The following RSPRY1 variants were observed in gnomAD, a reference collection of about 807,000 sequenced individuals.
RSPRY1 encodes ring finger and SPRY domain containing 1.
In RSPRY1, 23 loss-of-function variants were observed where a neutral mutation model predicts 73.1. The ratio of observed to expected loss-of-function variants is 0.31; its 90% confidence interval spans 0.23 to 0.45. The LOEUF is 0.45. Among genes scored for constraint, RSPRY1 ranks in the 20% least tolerant of loss-of-function variants. The pLI is 1.00. For missense variants in RSPRY1, 448 were observed against 698.7 expected (o/e 0.64, Z 4.05); for synonymous variants, 226 against 251.4 (o/e 0.90, Z 0.95).
At position 57,217,001 on chromosome 16, in the gene RSPRY1, T is replaced by C. The variant is rs1237727015; in HGVS notation, c.867T>C (p.Val289=). 2 of 1,614,166 alleles carry C rather than the reference T, an allele frequency of 1.2e-6. No homozygotes were observed. The highest frequency in any genetic ancestry group is 1.7e-5 in the Admixed American group (1 of 60,032). ...ATCCTGATTATCTGAAACGTCAAGT[T>C]GGTTTCTGTGCCCAGTGGAGCTTAG... ...ANDPDYLKRQ[V]GFCAQWSLDN... The change falls in exon 8 of 15, where the codon GTT becomes GTC. Residue 289 remains valine, a synonymous_variant. Transcript: ENST00000394420.
rs1207327524 is a variant in RSPRY1 at position 57,229,957 on chromosome 16, G to A, written c.1274-754G>A. ...GACCTCAAGATGATCTGCCCACCTC[G>A]GCCTCCCAAAGTGCTGGGATTATAG... On this transcript the variant is annotated intron_variant, in intron 11 of 14. Transcript: ENST00000394420. Among the ~76,000 whole-genome samples, 8 of 147,582 alleles carry A rather than the reference G, an allele frequency of 5.4e-5. No homozygotes were observed. In the East Asian group the frequency reaches 1.6e-3, roughly 30 times the overall value.
intron 1 of RSPRY1, among the ~76,000 whole-genome samples, chr16:57,204,257 A>G (rs1311510658): frequency 6.6e-6 from 1 of 152,226 alleles, no homozygotes; most frequent in Non-Finnish European, 1.5e-5. Context: ...AAAATCAATG[A>G]TAACTCCTCT....
chr16:57,227,181 C>T (rs1840789433), intron 10 of RSPRY1, among the ~76,000 whole-genome samples, 161 bp from the exon 11 acceptor site: 1 of 152,206 alleles, frequency 6.6e-6, no homozygotes, highest in Non-Finnish European at 1.5e-5. Flanking sequence ...AACCAGCCCT[C>T]TAAGTCATAA....
chr16:57,202,538 A>G (rs2074638402), intron 1 of RSPRY1, among the ~76,000 whole-genome samples: 1 of 152,210 alleles, frequency 6.6e-6, no homozygotes, highest in Non-Finnish European at 1.5e-5. Context: ...TGATCCCCAC[A>G]GTAATGGCAA....
intron 14 of RSPRY1, among the ~76,000 whole-genome samples, chr16:57,237,028 C>CGTG (rs1458677659): frequency 6.6e-6 from 1 of 151,962 alleles, no homozygotes; most frequent in Non-Finnish European, 1.5e-5. Flanking sequence ...ATTACCCGGG[C>CGTG]GTGGTGGTGG....
rs1345358108 is a variant in RSPRY1 at position 57,204,652 on chromosome 16, T to C, written c.-7T>C. 3 of 1,611,636 alleles carry C rather than the reference T, an allele frequency of 1.9e-6. No individual in the cohort carries two copies. Among genetic ancestry groups the C allele is most frequent in the Admixed American group, 3.3e-5 (2 of 59,900 alleles). On this transcript the variant is annotated 5_prime_UTR_variant, in exon 2 of 15. Transcript: ENST00000394420. ...AAACAGTACTTGGAAAACTGAAAAC[T>C]ACCTAAATGATCGTCTTTGGTTGGG... is the stretch of plus-strand genomic sequence containing the variant.
chr16:57,215,876 A>G (rs1314329703), intron 6 of RSPRY1, among the ~76,000 whole-genome samples: 2 of 152,212 alleles, frequency 1.3e-5, no homozygotes, highest in Admixed American at 6.5e-5. Context: ...TTCCAAATCT[A>G]TAAATTAACC....
Position 57,227,434 on chromosome 16 carries a change from A to G in RSPRY1, c.1254A>G (p.Ile418Met). The G allele has an allele frequency of 1.2e-6, 2 of 1,613,500 alleles. No individual in the cohort carries two copies. The highest frequency in any genetic ancestry group is 1.7e-6 in the Non-Finnish European group (2 of 1,179,410). ...ACAATGCCAGAAGTAAGCCTCACATACACCCATGCTGGAAAGAAGGTATTC... is the reference window on the plus strand; with the variant it reads ...ACAATGCCAGAAGTAAGCCTCACATGCACCCATGCTGGAAAGAAGGTATTC... ...IWYNARSKPH[I>M]HPCWKEGDTV... The change falls in exon 11 of 15, where the codon ATA becomes ATG. Residue 418 changes from isoleucine (I) to methionine (M), a missense_variant. Transcript: ENST00000394420.
chr16:57,202,059 C>G (rs2074627145), intron 1 of RSPRY1, among the ~76,000 whole-genome samples: 1 of 152,126 alleles, frequency 6.6e-6, no homozygotes, highest in South Asian at 2.1e-4. Flanking sequence ...GGATAGCTCA[C>G]ACCCGTAATC....
At chr16:57,221,612 C>T (rs1365768178) in intron 10 of RSPRY1, among the ~76,000 whole-genome samples, 197 bp downstream of exon 10, 7 of 152,170 alleles carry the variant, frequency 4.6e-5, no homozygotes, top group South Asian at 2.1e-4. Context: ...AATTGCCCCT[C>T]GGCCTTTTCT....
intron 1 of RSPRY1, among the ~76,000 whole-genome samples, chr16:57,198,152 G>A (rs1395365519): frequency 1.3e-5 from 2 of 152,118 alleles, no homozygotes; most frequent in African/African-American, 2.4e-5. Flanking sequence ...TTGGGAGGCC[G>A]AGGCAGGCGG....
chr16:57,227,248 C>A, intron 10 of RSPRY1, 94 bp from the exon 11 acceptor site: 1 of 796,424 alleles, frequency 1.3e-6, no homozygotes, highest in South Asian at 1.5e-5. Flanking sequence ...CTTAGAATCC[C>A]AGCCATTAGG....
chr16:57,227,321 C>T, intron 10 of RSPRY1, 21 bp from the exon 11 acceptor site: 1 of 1,562,056 alleles, frequency 6.4e-7, no homozygotes, highest in Non-Finnish European at 8.8e-7. Flanking sequence ...TGCTAATCTT[C>T]TGGGCCTTGT....
At chr16:57,205,554 T>A (rs1385415511) in intron 2 of RSPRY1, among the ~76,000 whole-genome samples, 1 of 152,240 alleles carries the variant, frequency 6.6e-6, no homozygotes, top group African/African-American at 2.4e-5. Flanking sequence ...CTGTACCTGT[T>A]TTGTCTTTTC....
intron 7 of RSPRY1, 24 bp downstream of exon 7, chr16:57,216,197 T>C: frequency 6.5e-7 from 1 of 1,536,314 alleles, no homozygotes; most frequent in Non-Finnish European, 9.0e-7. Flanking sequence ...CTTCTTGCAC[T>C]AATGATCTTC....
Position 57,200,816 on chromosome 16 carries a change from G to A in RSPRY1, c.-155-3688G>A, listed in dbSNP as rs1481902731. 2.1e-5 allele frequency among the ~76,000 whole-genome samples: 3 copies of A among 142,364 alleles called. No individual in the cohort carries two copies. In the East Asian group the frequency reaches 6.5e-4, roughly 31 times the overall value. The allele number at this position is 142,364 out of a possible 152,430, so 93.4% of individuals were successfully genotyped here. ...GGCCCCCCCCACATCCTTCCCGGAC[G>A]GGGCGGCTGGCTGGGCAGAGGCGCC... On this transcript the variant is annotated intron_variant, in intron 1 of 14. Transcript: ENST00000394420.
intron 1 of RSPRY1, among the ~76,000 whole-genome samples, chr16:57,198,181 C>T (rs1251220322): frequency 1.3e-5 from 2 of 151,958 alleles, no homozygotes; most frequent in South Asian, 2.1e-4. Context: ...GTCAGGAGAT[C>T]GAGACTATCC....
chr16:57,210,398 A>G (rs1313970213), intron 4 of RSPRY1, among the ~76,000 whole-genome samples: 1 of 152,148 alleles, frequency 6.6e-6, no homozygotes, highest in Non-Finnish European at 1.5e-5. Flanking sequence ...AATTTTTTAA[A>G]TGTTAAAAAT....
At chr16:57,205,273 A>T (rs2074703516) in intron 2 of RSPRY1, 1 of 418,820 alleles carries the variant, frequency 2.4e-6, no homozygotes, top group Non-Finnish European at 4.4e-6. Context: ...ATTAGAGAAT[A>T]GAGTAAATAT....
Sources: allele counts gnomAD v4.1 joint callset (sites outside exome capture counted in the v4.1 genomes callset), GRCh38; gene constraint gnomAD v4.1.1; transcripts MANE v1.5; gene names NCBI Gene and HGNC (gene_info 2026-07-23, HGNC 2026-07-21).